DDR1: variants seen among roughly 807,000 people sequenced by gnomAD.
The protein encoded by DDR1 is epithelial discoidin domain-containing receptor 1.
Under a neutral mutation model 97.4 loss-of-function variants are expected in DDR1, and 64 were observed. That is an observed-to-expected ratio of 0.66 (90% confidence interval 0.54 to 0.81). The LOEUF is 0.81. Ranked by LOEUF, DDR1 falls within the 30% of genes least tolerant of loss-of-function variation. The pLI is 0.00. For synonymous variants in DDR1, 458 were observed against 503.7 expected (o/e 0.91, Z 1.21); for missense variants, 990 against 1,259.6 (o/e 0.79, Z 3.24).
At position 30,891,624 on chromosome 6, in the gene DDR1, G is replaced by A. The variant is rs960433462; in HGVS notation, c.665+145G>A. The A allele has an allele frequency of 4.4e-6, 3 of 683,412 alleles. No individual in the cohort carries two copies. In the African/African-American group the frequency reaches 5.3e-5, roughly 12 times the overall value. The allele number at this position is 683,412 out of a possible 1,614,324, so 42.3% of individuals were successfully genotyped here. On this transcript the variant is annotated intron_variant, in intron 6 of 17. Transcript: ENST00000376568. The surrounding 1 kb of genome is among the most constrained non-coding windows in gnomAD (Gnocchi z 5.3). ...GTGAGATGGAAGAGCTGAGAAGAGGGATGGGTTAGGTGGGGCCTCAAAGGG... is the reference window on the plus strand; with the variant it reads ...GTGAGATGGAAGAGCTGAGAAGAGGAATGGGTTAGGTGGGGCCTCAAAGGG...
chr6:30,888,466 T>A lies in DDR1; in HGVS notation c.-42-222T>A. 1.7e-6 allele frequency: 1 copy of A among 586,356 alleles called. No individual in the cohort carries two copies. Among genetic ancestry groups the A allele is most frequent in the South Asian group, 2.2e-5 (1 of 45,008 alleles). The allele number at this position is 586,356 out of a possible 1,614,324, so 36.3% of individuals were successfully genotyped here. On this transcript the variant is annotated intron_variant, in intron 1 of 17. Transcript: ENST00000376568. The surrounding 1 kb of genome is among the most constrained non-coding windows in gnomAD (Gnocchi z 4.2). ...ATATGGATAGTAATAGTATCTACCT[T>A]ATGAAGTGACTGTGAAGATAAAATT...
At position 30,888,635 on chromosome 6, in the gene DDR1, C is replaced by G. The variant is rs1383060490; in HGVS notation, c.-42-53C>G. 6 of 1,555,610 alleles carry G rather than the reference C, an allele frequency of 3.9e-6. No individual in the cohort carries two copies. Among genetic ancestry groups the G allele is most frequent in the Non-Finnish European group, 4.4e-6 (5 of 1,149,278 alleles). On this transcript the variant is annotated intron_variant, in intron 1 of 17. Transcript: ENST00000376568. This position sits in a 1 kb window ranked among gnomAD's most constrained non-coding sequence, Gnocchi z 4.2. ...GGCCCATTCTGTCTGTTGCTGTCAG[C>G]TATGACTCAGTCCCCTGATTAACTT... is the stretch of plus-strand genomic sequence containing the variant.
Position 30,897,115 on chromosome 6 carries a change from AC to A in DDR1, c.1972del (p.Arg658GlyfsTer13). On this transcript the variant is annotated frameshift_variant, in exon 14 of 18. Transcript: ENST00000376568. LOFTEE classifies it high-confidence loss of function. The surrounding 1 kb of genome is among the most constrained non-coding windows in gnomAD (Gnocchi z 5.2). ...HPLLVAVKIL[R>X]PDATKNARND... ...CTTTGCTGGTAGCTGTCAAGATCTTACGGCCAGATGCCACCAAGAATGCCAG... is the reference window on the plus strand; with the variant it reads ...CTTTGCTGGTAGCTGTCAAGATCTTAGGCCAGATGCCACCAAGAATGCCAG... 1.2e-5 allele frequency: 20 copies of A among 1,613,976 alleles called. No individual in the cohort carries two copies. The highest frequency in any genetic ancestry group is 1.7e-5 in the Non-Finnish European group (20 of 1,179,974).
In DDR1 at chr6:30,899,392, C is replaced by T. The variant is rs1792170274; in HGVS notation, c.*96C>T. 6.8e-7 allele frequency: 1 copy of T among 1,468,884 alleles called. No homozygotes were observed. Among genetic ancestry groups the T allele is most frequent in the Non-Finnish European group, 9.1e-7 (1 of 1,096,132 alleles). The allele number at this position is 1,468,884 out of a possible 1,614,324, so 91.0% of individuals were successfully genotyped here. ...ACAATGGCACCTCTGCCCTTCCCCT[C>T]CCGACAGCCCATCACCTCTAATAGA... On this transcript the variant is annotated 3_prime_UTR_variant, in exon 18 of 18. Transcript: ENST00000376568.
chr6:30,893,881 T>C (rs771230597), intron 10 of DDR1, among the ~76,000 whole-genome samples: 4 of 152,064 alleles, frequency 2.6e-5, no homozygotes, highest in Non-Finnish European at 5.9e-5. Flanking sequence ...AGAGTGGGGT[T>C]GGAGGGGCAA....
In DDR1 at chr6:30,893,150, C is replaced by G; in HGVS notation, c.1182C>G (p.Asn394Lys). 2 of 1,608,986 alleles carry G rather than the reference C, an allele frequency of 1.2e-6. No homozygotes were observed. The highest frequency in any genetic ancestry group is 1.7e-6 in the Non-Finnish European group (2 of 1,179,628). Reference protein sequence around the residue: ...PWWPPGPPPTNFSSLELEPRG... With the variant: ...PWWPPGPPPTKFSSLELEPRG... ...GGCCGCCTGGCCCACCTCCCACCAA[C>G]TTCAGCAGCTTGGGTGAGCAATCTT... is the stretch of plus-strand genomic sequence containing the variant. The change falls in exon 9 of 18, where the codon AAC becomes AAG. Residue 394 changes from asparagine to lysine, a missense_variant. By Grantham distance (94) the Asn-to-Lys change is moderately conservative. Coordinates refer to ENST00000376568, the MANE Select transcript of DDR1 (RefSeq NM_001297654.2).
intron 12 of DDR1, 92 bp downstream of exon 12, chr6:30,895,606 C>A: frequency 2.6e-6 from 2 of 782,166 alleles, no homozygotes; most frequent in Admixed American, 2.5e-5. Flanking sequence ...CTCCTCTCCC[C>A]ACTGTGGCCT....
rs1489591090 is a variant in DDR1 at position 30,890,724 on chromosome 6, AAGG to A, written c.418-246_418-244del. 2 of 459,834 alleles carry A rather than the reference AAGG, an allele frequency of 4.3e-6. No individual in the cohort carries two copies. Among genetic ancestry groups the A allele is most frequent in the Non-Finnish European group, 7.6e-6 (2 of 264,368 alleles). The allele number at this position is 459,834 out of a possible 1,614,324, so 28.5% of individuals were successfully genotyped here. On this transcript the variant is annotated intron_variant, in intron 4 of 17. Transcript: ENST00000376568. The surrounding 1 kb of genome is among the most constrained non-coding windows in gnomAD (Gnocchi z 5.0). ...TGGAGACAAATGGATGGAGCCAGGCAAGGAGAAGAGGGCAGCTGAGCCTGAAGT... is the reference window on the plus strand; with the variant it reads ...TGGAGACAAATGGATGGAGCCAGGCAAGAAGAGGGCAGCTGAGCCTGAAGT...
chr6:30,897,185 T>A lies in DDR1; in HGVS notation c.1997+44T>A. The A allele has an allele frequency of 6.2e-7, 1 of 1,605,974 alleles. No homozygotes were observed. Among genetic ancestry groups the A allele is most frequent in the Non-Finnish European group, 8.5e-7 (1 of 1,176,810 alleles). On this transcript the variant is annotated intron_variant, in intron 14 of 17. Transcript: ENST00000376568. The surrounding 1 kb of genome is among the most constrained non-coding windows in gnomAD (Gnocchi z 5.2). Reference sequence around the variant, plus strand: ...ATCTGGAAGAAGGGAGGGGAGGCCGTGAAGAGTGGGGAGCCATCTAGAGAG... The same window carrying A: ...ATCTGGAAGAAGGGAGGGGAGGCCGAGAAGAGTGGGGAGCCATCTAGAGAG...
chr6:30,899,157 T>C lies in DDR1; in HGVS notation c.2603T>C (p.Val868Ala), dbSNP rs1478469223. ...GEFFRDQGRQ[V>A]YLSRPPACPQ... ...CTCATCCACACTGCCACAATGCAGG[T>C]GTACCTGTCCCGGCCGCCTGCCTGC... is the stretch of plus-strand genomic sequence containing the variant. The change falls in exon 18 of 18, where the codon GTG (valine) becomes GCG (alanine). Residue 868 changes from valine to alanine, a missense_variant and splice_region_variant. Coordinates refer to ENST00000376568, the MANE Select transcript of DDR1 (RefSeq NM_001297654.2). 5 of 1,614,146 alleles carry C rather than the reference T, an allele frequency of 3.1e-6. No homozygotes were observed. The highest frequency in any genetic ancestry group is 3.4e-6 in the Non-Finnish European group (4 of 1,180,014).
Position 30,897,627 on chromosome 6 carries a change from C to CA in DDR1, c.2216+31dup. The stretch of plus-strand genomic sequence containing the variant: ...CTGCTTACCCAGGCTGGGCCTTGCT[C>CA]AGAATTCCCCCAGGGGATCTCCTCC... On this transcript the variant is annotated intron_variant, in intron 15 of 17. Coordinates refer to ENST00000376568, the MANE Select transcript of DDR1 (RefSeq NM_001297654.2). The surrounding 1 kb of genome is among the most constrained non-coding windows in gnomAD (Gnocchi z 5.2). 6.4e-7 allele frequency: 1 copy of CA among 1,563,316 alleles called. No homozygotes were observed. The highest frequency in any genetic ancestry group is 8.7e-7 in the Non-Finnish European group (1 of 1,146,706).
Position 30,894,645 on chromosome 6 carries a change from C to T in DDR1, c.1487C>T (p.Ser496Phe). 8.1e-6 allele frequency: 13 copies of T among 1,608,888 alleles called. No homozygotes were observed. Among genetic ancestry groups the T allele is most frequent in the Non-Finnish European group, 1.1e-5 (13 of 1,177,366 alleles). The stretch of plus-strand genomic sequence containing the variant: ...CGGCCTCGTGGGAATCCGCCCCACT[C>T]CGCTCCCTGTGTCCCCAATGGCTCT... ...EPRPRGNPPH[S>F]APCVPNGSAL... Residue 496 changes from serine to phenylalanine, a missense_variant, in exon 11 of 18, where the codon TCC (serine) becomes TTC (phenylalanine). Ser to Phe is a radical substitution (Grantham distance 155, BLOSUM62 -2). Coordinates refer to ENST00000376568, the MANE Select transcript of DDR1 (RefSeq NM_001297654.2). This position sits in a 1 kb window ranked among gnomAD's most constrained non-coding sequence, Gnocchi z 5.7.
chr6:30,893,607 G>C (rs1283217449), intron 10 of DDR1, among the ~76,000 whole-genome samples, 184 bp downstream of exon 10: 1 of 152,238 alleles, frequency 6.6e-6, no homozygotes, highest in Non-Finnish European at 1.5e-5. Context: ...CCAGCTCTGG[G>C]TCTGCTCAGC....
At chr6:30,892,625 T>C (rs1398844634) in intron 8 of DDR1, 83 bp downstream of exon 8, 1 of 1,479,054 alleles carries the variant, frequency 6.8e-7, no homozygotes, top group Non-Finnish European at 9.0e-7. Flanking sequence ...CCTAAAATAC[T>C]CATTCCTTGC....
Position 30,898,846 on chromosome 6 carries a change from C to T in DDR1, c.2452-42C>T, listed in dbSNP as rs141647988. On this transcript the variant is annotated intron_variant, in intron 16 of 17. Transcript: ENST00000376568. Reference sequence around the variant, plus strand: ...AGGAAGGGAGGAGGGTCTACGTTGCCTGATGTCCCTGTCTGTTTTTGCTGC... The same window carrying T: ...AGGAAGGGAGGAGGGTCTACGTTGCTTGATGTCCCTGTCTGTTTTTGCTGC... The T allele has an allele frequency of 2.1e-3, 3,335 of 1,580,944 alleles. 7 individuals are homozygous for T. Among genetic ancestry groups the T allele is most frequent in the African/African-American group, 5.9e-3 (442 of 74,546 alleles).
In DDR1 at chr6:30,897,078, G is replaced by A. The variant is rs758007556; in HGVS notation, c.1934G>A (p.Arg645His). ...LVSLDFPLNV[R>H]KGHPLLVAVK... ...AGTCTTGATTTCCCCCTTAATGTGC[G>A]TAAGGGACACCCTTTGCTGGTAGCT... The change falls in exon 14 of 18, where the codon CGT (arginine) becomes CAT (histidine). Residue 645 changes from arginine to histidine, a missense_variant. Physicochemically the swap from Arg to His is conservative, Grantham distance 29. Transcript: ENST00000376568. The surrounding 1 kb of genome is among the most constrained non-coding windows in gnomAD (Gnocchi z 5.2). 66 of 1,613,724 alleles carry A rather than the reference G, an allele frequency of 4.1e-5. No individual in the cohort carries two copies. The highest frequency in any genetic ancestry group is 4.9e-5 in the Non-Finnish European group (58 of 1,179,904).
At chr6:30,885,247 AG>A in intron 1 of DDR1, 3 of 1,532,768 alleles carry the variant, frequency 2.0e-6, no homozygotes. Context: ...CGCCAGCTTC[AG>A]GGTCCCACCC....
In DDR1 at chr6:30,899,038, G is replaced by A. The variant is rs757835189; in HGVS notation, c.2601+1G>A. 1 of 1,614,160 alleles carries A rather than the reference G, an allele frequency of 6.2e-7. No homozygotes were observed. The highest frequency in any genetic ancestry group is 1.1e-5 in the South Asian group (1 of 91,080). On this transcript the variant is annotated splice_donor_variant, in intron 17 of 17. Coordinates refer to ENST00000376568, the MANE Select transcript of DDR1 (RefSeq NM_001297654.2). LOFTEE classifies it high-confidence loss of function. ...GTTCTTCCGGGACCAGGGCCGGCAG[G>A]TCAGAGTGGAGGAGAGGGAAGATGG...
chr6:30,881,065 G>C (rs1429194476), upstream of DDR1: 1 of 152,202 alleles, frequency 6.6e-6, no homozygotes, highest in Non-Finnish European at 1.5e-5. Context: ...GGCAGCCCCA[G>C]ACCCGACCCC....
Sources: gnomAD v4.1 joint callset for allele counts (sites outside exome capture counted in the v4.1 genomes callset) on GRCh38, gnomAD v4.1.1 for gene constraint, Gnocchi (gnomAD v3.1) non-coding constraint, MANE v1.5 for transcripts, NCBI Gene and HGNC (gene_info 2026-07-23, HGNC 2026-07-21) for gene names.